Variants in COPB1 observed in about 807,000 individuals in gnomAD.
COPB1 encodes the protein coatomer subunit beta.
A neutral mutation model predicts 108.7 loss-of-function variants in COPB1; 21 were observed. That is an observed-to-expected ratio of 0.19 (90% CI 0.14 to 0.28). COPB1 has a LOEUF of 0.28. COPB1 is among the 10% of genes least tolerant of loss of function. The pLI is 1.00. For synonymous variants in COPB1, 378 were observed against 386.8 expected, an observed-to-expected ratio of 0.98 and a Z score of 0.27; for missense variants, 919 against 1,141.3, an observed-to-expected ratio of 0.81 and a Z score of 2.81.
intron 14 of COPB1, among the ~76,000 whole-genome samples, chr11:14,473,749 A>G (rs1850459645): frequency 6.6e-6 from 1 of 152,116 alleles, no homozygotes; most frequent in Admixed American, 6.5e-5. Flanking sequence ...CCAAAATGTA[A>G]CACAGAGATA....
rs774409441 is a variant in COPB1 at position 14,479,597 on chromosome 11, C to T, written c.1330G>A (p.Glu444Lys). The change falls in exon 11 of 22, where the codon GAA becomes AAA. Residue 444 changes from glutamate to lysine, a missense_variant. By Grantham distance (56) the Glu-to-Lys change is moderately conservative (BLOSUM62 1). This residue lies in a region of COPB1 where 705 missense variants were observed against 817.8 expected (regional missense o/e 0.86). Transcript: ENST00000439561. The part of the protein sequence containing the change: ...LRMLIVEKML[E>K]VFHAIKSVKI... ...ACAGATTTAATAGCATGAAAGACTTCAAGCATCTTCTCAACAATAAGCATT... is the reference window on the plus strand; with the variant it reads ...ACAGATTTAATAGCATGAAAGACTTTAAGCATCTTCTCAACAATAAGCATT... The T allele has an allele frequency of 7.4e-6, 12 of 1,611,930 alleles. No homozygotes were observed. The East Asian group carries it at 2.7e-4, about 36-fold the overall frequency.
chr11:14,476,503 T>C (rs1269530770), intron 12 of COPB1, among the ~76,000 whole-genome samples: 1 of 152,222 alleles, frequency 6.6e-6, no homozygotes, highest in Non-Finnish European at 1.5e-5. Flanking sequence ...ATTTATTTTA[T>C]AGGTGAAAAA....
chr11:14,483,615 GTATT>G (rs1458768331), intron 7 of COPB1, among the ~76,000 whole-genome samples: 1 of 152,068 alleles, frequency 6.6e-6, no homozygotes, highest in Admixed American at 6.5e-5. Flanking sequence ...AAATATTTTA[GTATT>G]TATAATAACT....
chr11:14,458,763 CTTT>C (rs34021860), intron 20 of COPB1, 76 bp from the exon 21 acceptor site: 15,750 of 783,968 alleles, frequency 0.02, no homozygotes, highest in South Asian at 0.029. Context: ...GCATAGGTGA[CTTT>C]TTTTTTTTTT....
intron 18 of COPB1, among the ~76,000 whole-genome samples, chr11:14,463,308 G>A (rs999321531): frequency 1.3e-5 from 2 of 151,868 alleles, no homozygotes; most frequent in Admixed American, 1.3e-4. Context: ...CTTATCTCTA[G>A]TTTATTTTTA....
At chr11:14,498,587 T>C (rs1333231640) in intron 2 of COPB1, among the ~76,000 whole-genome samples, 2 of 152,186 alleles carry the variant, frequency 1.3e-5, no homozygotes, top group Non-Finnish European at 2.9e-5. Flanking sequence ...TCTACAAAAA[T>C]TATGACATTT....
chr11:14,493,561 G>T, intron 4 of COPB1, 81 bp downstream of exon 4: 1 of 1,223,786 alleles, frequency 8.2e-7, no homozygotes, highest in East Asian at 2.6e-5. Flanking sequence ...TATTCAGTCT[G>T]CAAGCAACCA....
chr11:14,488,395 A>T lies in COPB1; in HGVS notation c.699+97T>A, dbSNP rs569655138. ...GCTATAAAATATTTATACTATTAAA[A>T]TATATTATCCTAGCAATAATTATCC... On this transcript the variant is annotated intron_variant, in intron 6 of 21. Coordinates refer to ENST00000439561, the MANE Select transcript of COPB1 (RefSeq NM_001144061.2). 1.2e-5 allele frequency: 7 copies of T among 575,556 alleles called. No homozygotes were observed. In the South Asian group the frequency reaches 2.3e-4, roughly 19 times the overall value. The allele number at this position is 575,556 out of a possible 1,614,324, so 35.7% of individuals were successfully genotyped here.
In COPB1 at chr11:14,488,558, A is replaced by C; in HGVS notation, c.633T>G (p.Thr211=). The C allele has an allele frequency of 1.9e-6, 3 of 1,606,288 alleles. No individual in the cohort carries two copies. Among genetic ancestry groups the C allele is most frequent in the Non-Finnish European group, 2.6e-6 (3 of 1,175,448 alleles). ...CAAATGTTTGAACTTGATCAATGCA[A>C]GTACTTAAGTAATCCAAAGCTCGAT... ...DQDRALDYLS[T]CIDQVQTFGD... Residue 211 remains threonine (T), a synonymous_variant, in exon 6 of 22, where the codon ACT becomes ACG. Transcript: ENST00000439561.
Position 14,474,605 on chromosome 11 carries a change from T to C in COPB1, c.1627A>G (p.Arg543Gly). 1 of 1,613,420 alleles carries C rather than the reference T, an allele frequency of 6.2e-7. No individual in the cohort carries two copies. The highest frequency in any genetic ancestry group is 8.5e-7 in the Non-Finnish European group (1 of 1,179,748). The change falls in exon 14 of 22, where the codon AGA becomes GGA. Residue 543 changes from arginine (R) to glycine (G), a missense_variant. Physicochemically the swap from Arg to Gly is moderately radical, Grantham distance 125. Around this residue, in one of 5 missense-constraint regions of COPB1, gnomAD observed 705 missense variants for 817.8 expected, o/e 0.86. Coordinates refer to ENST00000439561, the MANE Select transcript of COPB1 (RefSeq NM_001144061.2). ...AAATCTCCATCCAGAAGGAATCCTC[T>C]CAAGGGAGGTCTGCAAAGCAACCAA... is the stretch of plus-strand genomic sequence containing the variant. ...TKKEEDRPPL[R>G]GFLLDGDFFV...
intron 6 of COPB1, among the ~76,000 whole-genome samples, chr11:14,487,694 A>C (rs1421618582): frequency 6.6e-6 from 1 of 150,902 alleles, no homozygotes; most frequent in Non-Finnish European, 1.5e-5. Flanking sequence ...AAAAACAACA[A>C]AAAAAAAACA....
At chr11:14,483,257 CA>C in intron 7 of COPB1, 106 bp from the exon 8 acceptor site, 1 of 635,320 alleles carries the variant, frequency 1.6e-6, no homozygotes, top group Non-Finnish European at 2.5e-6. Flanking sequence ...CACACACACA[CA>C]CTCCCATGAA....
In COPB1 at chr11:14,493,694, G is replaced by A; in HGVS notation, c.439C>T (p.Arg147Ter). ...GCATTTCTTCTAACATAGCTGTGTC[G>A]ATGCTCCAAACATGCACGAATAGCT... ...MPAIRACLEH[R>*]HSYVRRNAVL... The change falls in exon 4 of 22, where the codon CGA becomes TGA. Residue 147 changes from arginine to a stop codon, truncating the protein, a stop_gained. Transcript: ENST00000439561. LOFTEE classifies it high-confidence loss of function. The A allele has an allele frequency of 6.2e-7, 1 of 1,613,228 alleles. No individual in the cohort carries two copies. Among genetic ancestry groups the A allele is most frequent in the Non-Finnish European group, 8.5e-7 (1 of 1,179,780 alleles).
intron 7 of COPB1, among the ~76,000 whole-genome samples, chr11:14,485,233 T>G (rs1031332291): frequency 3.3e-5 from 5 of 152,112 alleles, no homozygotes; most frequent in African/African-American, 1.2e-4. Flanking sequence ...GATAGCTCAC[T>G]GCAACCTCGA....
At position 14,492,515 on chromosome 11, in the gene COPB1, G is replaced by A. The variant is rs566862131; in HGVS notation, c.491+1127C>T. On this transcript the variant is annotated intron_variant, in intron 4 of 21. Coordinates refer to ENST00000439561, the MANE Select transcript of COPB1 (RefSeq NM_001144061.2). ...TGTGCCACCACGCCCAGCTAATTTT[G>A]TATTTTTAGTAGAGACGGGGTTTCT... Among the ~76,000 whole-genome samples, 17 of 151,564 alleles carry A rather than the reference G, an allele frequency of 1.1e-4. No homozygotes were observed. In the South Asian group the frequency reaches 3.5e-3, roughly 32 times the overall value.
At chr11:14,492,916 C>A (rs1850939654) in intron 4 of COPB1, among the ~76,000 whole-genome samples, 1 of 152,042 alleles carries the variant, frequency 6.6e-6, no homozygotes, top group African/African-American at 2.4e-5. Flanking sequence ...GAGGCCAAGG[C>A]GAGTGGAACA....
At chr11:14,484,187 A>G (rs983207792) in intron 7 of COPB1, among the ~76,000 whole-genome samples, 18 of 152,244 alleles carry the variant, frequency 1.2e-4, no homozygotes, top group Non-Finnish European at 2.2e-4. Context: ...ATGAAAAATA[A>G]TAAGTGACTA....
In COPB1 at chr11:14,498,943, T is replaced by C. The variant is rs753422479; in HGVS notation, c.-15A>G. ...GCCGCCGTCATGGTTTCTGGTTATATTATAACCAATCCTTGACACAAGATT... is the reference window on the plus strand; with the variant it reads ...GCCGCCGTCATGGTTTCTGGTTATACTATAACCAATCCTTGACACAAGATT... On this transcript the variant is annotated 5_prime_UTR_variant, in exon 2 of 22. Transcript: ENST00000439561. 3.2e-6 allele frequency: 5 copies of C among 1,585,712 alleles called. No homozygotes were observed. In the African/African-American group the frequency reaches 4.1e-5, roughly 13 times the overall value.
At chr11:14,488,177 T>C (rs547747987) in intron 6 of COPB1, among the ~76,000 whole-genome samples, 1 of 152,310 alleles carries the variant, frequency 6.6e-6, no homozygotes. Context: ...AAATCTTGAA[T>C]TTTATTTTAA....
Sources: allele counts gnomAD v4.1 joint callset (sites outside exome capture counted in the v4.1 genomes callset), GRCh38; gene constraint gnomAD v4.1.1; regional missense constraint gnomAD v4.1.1; transcripts MANE v1.5; gene names NCBI Gene and HGNC (gene_info 2026-07-23, HGNC 2026-07-21).